The following SLC24A4 variants were observed in gnomAD, a reference collection of about 807,000 sequenced individuals.
SLC24A4 encodes solute carrier family 24 member 4.
A neutral mutation model predicts 79.0 loss-of-function variants in SLC24A4; 53 were observed. The ratio of observed to expected loss-of-function variants is 0.67; its 90% CI spans 0.54 to 0.84. The LOEUF (loss-of-function observed/expected upper bound fraction) is 0.84. SLC24A4 is among the 40% of genes least tolerant of loss of function. The pLI, the probability that SLC24A4 is intolerant of heterozygous loss-of-function variation, is 0.00. For missense variants in SLC24A4, 731 were observed against 822.0 expected (o/e 0.89, Z 1.35); for synonymous variants, 323 against 323.8 (o/e 1.00, Z 0.03).
intron 13 of SLC24A4, chr14:92,484,334 C>A (rs896059968): frequency 9.1e-6 from 9 of 985,436 alleles, no homozygotes; most frequent in Middle Eastern, 5.2e-4. Context: ...TGTCCTTACT[C>A]ATGCAGCAGC....
rs149636879 is a variant in SLC24A4, at chr14:92,347,667, G to A, written c.241+21689G>A. On this transcript the variant is annotated intron_variant, in intron 2 of 16. Transcript: ENST00000532405. Reference sequence around the variant, plus strand: ...TTCAAGGCCGGGTGAGGTGGCTCACGCCTGTAATCCCAGCACTTTGGGAGG... The same window carrying A: ...TTCAAGGCCGGGTGAGGTGGCTCACACCTGTAATCCCAGCACTTTGGGAGG... Among the ~76,000 whole-genome samples the A allele has an allele frequency of 2.6e-4, 39 of 152,286 alleles. 1 individual carries two copies. In the East Asian group the frequency reaches 6.7e-3, roughly 26 times the overall value.
At chr14:92,400,164 A>G (rs560390835) in intron 2 of SLC24A4, among the ~76,000 whole-genome samples, 61 of 152,198 alleles carry the variant, frequency 4.0e-4, no homozygotes, top group South Asian at 1.0e-3. Context: ...TTGGAGGCCG[A>G]GCGTGGTGGC....
chr14:92,354,988 C>T (rs1595155447), intron 2 of SLC24A4, among the ~76,000 whole-genome samples: 2 of 152,152 alleles, frequency 1.3e-5, no homozygotes, highest in Non-Finnish European at 2.9e-5. Context: ...GCAGGAGAAT[C>T]GCTTGAACCC....
intron 6 of SLC24A4, 123 bp from the exon 7 acceptor site, chr14:92,443,277 C>T (rs1892604057): frequency 1.1e-5 from 9 of 849,888 alleles, no homozygotes; most frequent in Non-Finnish European, 1.6e-5. Flanking sequence ...ACAAGCGTGG[C>T]CTGGAGTTAG....
chr14:92,327,467 G>A (rs969683163), intron 2 of SLC24A4, among the ~76,000 whole-genome samples: 2 of 152,230 alleles, frequency 1.3e-5, no homozygotes, highest in African/African-American at 4.8e-5. Flanking sequence ...ACATGCGTGA[G>A]GCCAAGGATG....
At position 92,463,925 on chromosome 14, in the gene SLC24A4, C is replaced by T. The variant is rs559121642; in HGVS notation, c.1255+7317C>T. Among the ~76,000 whole-genome samples, 216 of 152,276 alleles carry T rather than the reference C, an allele frequency of 1.4e-3. 1 individual carries two copies. The highest frequency in any genetic ancestry group is 3.9e-3 in the African/African-American group (162 of 41,554). ...TTTGTGGCCTTTTGTGACTGGCTTC[C>T]TTTACCTAACATGATGTTTTCAAGG... On this transcript the variant is annotated intron_variant, in intron 12 of 16. Transcript: ENST00000532405.
At chr14:92,393,072 C>T (rs1889573652) in intron 2 of SLC24A4, among the ~76,000 whole-genome samples, 1 of 152,262 alleles carries the variant, frequency 6.6e-6, no homozygotes, top group Non-Finnish European at 1.5e-5. Context: ...ATGAGGGACA[C>T]CTCTTCCACT....
intron 15 of SLC24A4, 52 bp downstream of exon 15, chr14:92,491,829 G>A (rs1276931201): frequency 7.1e-7 from 1 of 1,416,232 alleles, no homozygotes; most frequent in Non-Finnish European, 1.0e-6. Flanking sequence ...GGCTAGTGGT[G>A]TTGGCCCAGT....
intron 7 of SLC24A4, 78 bp from the exon 8 acceptor site, chr14:92,445,239 G>A: frequency 6.5e-7 from 1 of 1,541,804 alleles, no homozygotes; most frequent in Non-Finnish European, 9.0e-7. Context: ...GGCTCTGGGT[G>A]CCTGGGTGTC....
At chr14:92,414,478 G>C (rs1890877512) in intron 2 of SLC24A4, among the ~76,000 whole-genome samples, 1 of 152,216 alleles carries the variant, frequency 6.6e-6, no homozygotes, top group African/African-American at 2.4e-5. Context: ...GCTCACTCCT[G>C]TAATCCCAGT....
At chr14:92,355,427 G>A (rs1887122671) in intron 2 of SLC24A4, among the ~76,000 whole-genome samples, 1 of 152,226 alleles carries the variant, frequency 6.6e-6, no homozygotes, top group African/African-American at 2.4e-5. Context: ...TCACTCTCAG[G>A]TAGACGCCAA....
At chr14:92,392,577 GTTTAT>G (rs149126021) in intron 2 of SLC24A4, among the ~76,000 whole-genome samples, 4,751 of 152,230 alleles carry the variant, frequency 0.031, 270 homozygotes, top group African/African-American at 0.11. Flanking sequence ...TGCTATGCAT[GTTTAT>G]TTTAAGAAAT....
At chr14:92,492,008 C>T (rs1043696462) in intron 15 of SLC24A4, among the ~76,000 whole-genome samples, 167 bp from the exon 16 acceptor site, 1 of 152,112 alleles carries the variant, frequency 6.6e-6, no homozygotes, top group East Asian at 1.9e-4. Flanking sequence ...TGAGCAGGGT[C>T]GTGACTTGAA....
chr14:92,408,842 A>C (rs1890549209), intron 2 of SLC24A4, among the ~76,000 whole-genome samples: 1 of 152,174 alleles, frequency 6.6e-6, no homozygotes, highest in African/African-American at 2.4e-5. Flanking sequence ...GGGCAGATTT[A>C]TTTATGAATA....
At chr14:92,481,260 G>C (rs897185730) in intron 12 of SLC24A4, among the ~76,000 whole-genome samples, 1 of 152,214 alleles carries the variant, frequency 6.6e-6, no homozygotes, top group Non-Finnish European at 1.5e-5. Context: ...ATATCTAGGA[G>C]CTTTTCAAAG....
At chr14:92,434,437 T>A (rs1892053767) in intron 3 of SLC24A4, among the ~76,000 whole-genome samples, 1 of 152,220 alleles carries the variant, frequency 6.6e-6, no homozygotes, top group Admixed American at 6.5e-5. Context: ...CACTTACTAT[T>A]TTTCAGTGTT....
chr14:92,484,104 A>G (rs1895227466), intron 13 of SLC24A4: 1 of 985,200 alleles, frequency 1.0e-6, no homozygotes, highest in Admixed American at 6.2e-5. Flanking sequence ...GGAGAATGAA[A>G]AGAGAGCCCA....
intron 2 of SLC24A4, among the ~76,000 whole-genome samples, chr14:92,426,145 C>T (rs984964649): frequency 6.6e-6 from 1 of 152,056 alleles, no homozygotes; most frequent in Non-Finnish European, 1.5e-5. Context: ...GGATTTGTGT[C>T]TCAGTCTGTT....
At chr14:92,461,262 C>A (rs937234160) in intron 12 of SLC24A4, among the ~76,000 whole-genome samples, 23 of 152,206 alleles carry the variant, frequency 1.5e-4, no homozygotes, top group African/African-American at 5.5e-4. Context: ...GCCTTCGTGG[C>A]CACTTTTATT....
Sources: allele counts gnomAD v4.1 joint callset (sites outside exome capture counted in the v4.1 genomes callset), GRCh38; gene constraint gnomAD v4.1.1; transcripts MANE v1.5; gene names NCBI Gene and HGNC (gene_info 2026-07-23, HGNC 2026-07-21).